The following MEF2A variants were observed in gnomAD, a reference collection of about 807,000 sequenced individuals.
The protein encoded by MEF2A is myocyte-specific enhancer factor 2A.
A neutral mutation model predicts 55.8 loss-of-function variants in MEF2A; 28 were observed. The observed-to-expected ratio is 0.50, with a 90% CI of 0.37 to 0.69. The LOEUF (loss-of-function observed/expected upper bound fraction) is 0.69. MEF2A is among the 30% of genes least tolerant of loss of function. The pLI, the probability that MEF2A is intolerant of heterozygous loss-of-function variation, is 0.00. For synonymous variants in MEF2A, 239 were observed against 227.1 expected (o/e 1.05, Z -0.47); for missense variants, 528 against 626.2 (o/e 0.84, Z 1.67).
At chr15:99,569,889 TGG>T (rs1961381105) in intron 1 of MEF2A, among the ~76,000 whole-genome samples, 1 of 152,054 alleles carries the variant, frequency 6.6e-6, no homozygotes, top group African/African-American at 2.4e-5. Context: ...TTATAATAAA[TGG>T]ACCTTGTGTC....
chr15:99,594,397 A>G (rs1330366201), intron 1 of MEF2A, among the ~76,000 whole-genome samples: 2 of 151,546 alleles, frequency 1.3e-5, no homozygotes, highest in East Asian at 3.9e-4. Context: ...TGGTTGTGCT[A>G]CCGTCTAGGA....
chr15:99,710,736 G>C lies in MEF2A; in HGVS notation c.1112G>C (p.Gly371Ala), dbSNP rs773886574. The change falls in exon 11 of 12, where the codon GGA (glycine) becomes GCA (alanine). Residue 371 changes from glycine to alanine, a missense_variant. Gly to Ala is a moderately conservative substitution (Grantham distance 60). Around this residue, in one of 2 missense-constraint regions of MEF2A, gnomAD observed 450 missense variants for 475.3 expected, o/e 0.95. Transcript: ENST00000557942. ...QVSAWQQHHL[G>A]QAALSSLVAG... ...TCGGCCTGGCAGCAGCACCACCTAG[G>C]ACAAGCAGCCCTCAGCTCTCTTGTG... 6.2e-7 allele frequency: 1 copy of C among 1,611,164 alleles called. No individual in the cohort carries two copies. Among genetic ancestry groups the C allele is most frequent in the Non-Finnish European group, 8.5e-7 (1 of 1,177,526 alleles).
intron 8 of MEF2A, among the ~76,000 whole-genome samples, chr15:99,700,007 G>T (rs34443706): frequency 2.2e-5 from 3 of 137,608 alleles, no homozygotes; most frequent in African/African-American, 7.9e-5. Context: ...TATAATTTTT[G>T]TATTTTTAGT....
At chr15:99,615,271 C>G (rs2040001436) in intron 2 of MEF2A, among the ~76,000 whole-genome samples, 1 of 152,130 alleles carries the variant, frequency 6.6e-6, no homozygotes, top group Non-Finnish European at 1.5e-5. Context: ...GAGGCCTTTG[C>G]AGTAGGCTGA....
At chr15:99,674,306 A>G (rs2051472238) in intron 5 of MEF2A, 87 bp from the exon 6 acceptor site, 1 of 1,207,432 alleles carries the variant, frequency 8.3e-7, no homozygotes, top group South Asian at 1.5e-5. Context: ...TAGTAACTTG[A>G]GTTACCTTGC....
intron 4 of MEF2A, among the ~76,000 whole-genome samples, chr15:99,661,620 T>A (rs78819831): frequency 6.6e-6 from 1 of 152,128 alleles, no homozygotes; most frequent in East Asian, 1.9e-4. Flanking sequence ...CCATGTGGCC[T>A]ATAGATATGA....
At chr15:99,670,426 G>A (rs930790266) in intron 4 of MEF2A, among the ~76,000 whole-genome samples, 2 of 152,058 alleles carry the variant, frequency 1.3e-5, no homozygotes, top group Non-Finnish European at 2.9e-5. Flanking sequence ...GGCTAACATG[G>A]TGAAACCCCA....
At chr15:99,618,286 A>G (rs1188957991) in intron 2 of MEF2A, among the ~76,000 whole-genome samples, 3 of 152,192 alleles carry the variant, frequency 2.0e-5, no homozygotes, top group Non-Finnish European at 4.4e-5. Context: ...TATTCTGTAT[A>G]ATGACTGGCT....
chr15:99,667,592 G>A (rs1335292993), intron 4 of MEF2A, among the ~76,000 whole-genome samples: 1 of 152,030 alleles, frequency 6.6e-6, no homozygotes, highest in Non-Finnish European at 1.5e-5. Flanking sequence ...TAATTAATTA[G>A]TGAGGGAGCC....
chr15:99,589,207 A>G (rs1389544247), intron 1 of MEF2A, among the ~76,000 whole-genome samples: 1 of 152,192 alleles, frequency 6.6e-6, no homozygotes, highest in African/African-American at 2.4e-5. Flanking sequence ...CTTTGTGGAA[A>G]GCTTTTAAAT....
chr15:99,645,216 C>G (rs9888651), intron 3 of MEF2A, among the ~76,000 whole-genome samples: 6,828 of 152,182 alleles, frequency 0.045, 169 homozygotes, highest in African/African-American at 0.059. Context: ...GCTACATTAC[C>G]TGGCTGGGAT....
rs775859087 is a variant in MEF2A, at chr15:99,690,238, C to T, written c.671-3C>T. 3.1e-6 allele frequency: 5 copies of T among 1,612,376 alleles called. No individual in the cohort carries two copies. Among genetic ancestry groups the T allele is most frequent in the Non-Finnish European group, 4.2e-6 (5 of 1,179,082 alleles). Reference sequence around the variant, plus strand: ...CTTTATTGAATGATATTTTTCCCCCCAGGGAATGGATTTGTAAACTCAAGA... The same window carrying T: ...CTTTATTGAATGATATTTTTCCCCCTAGGGAATGGATTTGTAAACTCAAGA... On this transcript the variant is annotated splice_region_variant and splice_polypyrimidine_tract_variant and intron_variant, in intron 7 of 11. Coordinates refer to ENST00000557942, the MANE Select transcript of MEF2A (RefSeq NM_001319206.4).
At chr15:99,644,815 C>A (rs2045672601) in intron 3 of MEF2A, among the ~76,000 whole-genome samples, 1 of 152,130 alleles carries the variant, frequency 6.6e-6, no homozygotes, top group African/African-American at 2.4e-5. Flanking sequence ...TCAAGGGTAA[C>A]TCTTGCTCAC....
At chr15:99,600,271 A>G (rs1972542096) in intron 2 of MEF2A, among the ~76,000 whole-genome samples, 1 of 152,140 alleles carries the variant, frequency 6.6e-6, no homozygotes, top group South Asian at 2.1e-4. Flanking sequence ...ACTAGTCTCT[A>G]AGGATGTAGA....
intron 1 of MEF2A, among the ~76,000 whole-genome samples, chr15:99,569,119 A>G (rs1053671364): frequency 2.6e-5 from 4 of 152,000 alleles, no homozygotes; most frequent in African/African-American, 9.7e-5. Flanking sequence ...AGGCTGCTTG[A>G]CTCTGTAGTC....
chr15:99,625,923 A>G (rs149845677), intron 2 of MEF2A, among the ~76,000 whole-genome samples: 57 of 152,152 alleles, frequency 3.7e-4, no homozygotes, highest in Non-Finnish European at 6.8e-4. Flanking sequence ...ATTGGTCTAT[A>G]GTTTTCTTGT....
At chr15:99,657,076 T>A (rs549109994) in intron 4 of MEF2A, among the ~76,000 whole-genome samples, 109 of 152,124 alleles carry the variant, frequency 7.2e-4, no homozygotes, top group Non-Finnish European at 1.4e-3. Flanking sequence ...TTTGTCCAGC[T>A]TTTTCACTTA....
At chr15:99,576,582 G>C (rs555310390) in intron 1 of MEF2A, among the ~76,000 whole-genome samples, 84 of 151,226 alleles carry the variant, frequency 5.6e-4, no homozygotes, top group African/African-American at 1.9e-3. Context: ...GTGAAGTGTT[G>C]ATTTTATATA....
intron 8 of MEF2A, among the ~76,000 whole-genome samples, chr15:99,691,949 T>G (rs2055561072): frequency 1.3e-5 from 2 of 152,202 alleles, no homozygotes; most frequent in East Asian, 1.9e-4. Context: ...TTTATCGCCC[T>G]TAGCTTCCTG....
Sources: gnomAD v4.1 joint callset for allele counts (sites outside exome capture counted in the v4.1 genomes callset) on GRCh38, gnomAD v4.1.1 for gene constraint, gnomAD v4.1.1 regional missense constraint, MANE v1.5 for transcripts, NCBI Gene and HGNC (gene_info 2026-07-23, HGNC 2026-07-21) for gene names.